ACTN2: variants seen among roughly 807,000 people sequenced by gnomAD.
The protein encoded by ACTN2 is actinin alpha 2, also known as alpha-actinin-2.
A neutral mutation model predicts 113.8 loss-of-function variants in ACTN2; 39 were observed. That is an observed-to-expected ratio of 0.34 (90% CI 0.27 to 0.45). The LOEUF (loss-of-function observed/expected upper bound fraction) is 0.45, where lower values mean the gene tolerates loss of function less well. Among genes scored for constraint, ACTN2 ranks in the 20% least tolerant of loss-of-function variants. ACTN2 has a pLI of 1.00. For missense variants in ACTN2, 992 were observed against 1,177.9 expected (o/e 0.84, Z 2.31); for synonymous variants, 429 against 444.1 (o/e 0.97, Z 0.43).
intron 1 of ACTN2, among the ~76,000 whole-genome samples, chr1:236,691,936 A>C (rs1382973308): frequency 3.3e-5 from 5 of 152,242 alleles, no homozygotes; most frequent in African/African-American, 9.6e-5. Flanking sequence ...TCCACGAAAA[A>C]GGGCCAGGTT....
chr1:236,717,983 T>C lies in ACTN2; in HGVS notation c.241+11T>C, dbSNP rs749065450. On this transcript the variant is annotated intron_variant, in intron 2 of 20. Transcript: ENST00000366578. ...TGGAAGTCATCTCAGGTTGGTGTTA[T>C]ATATCCCATCCTATGCTTTCATGTG... is the stretch of plus-strand genomic sequence containing the variant. 2 of 1,586,970 alleles carry C rather than the reference T, an allele frequency of 1.3e-6. No individual in the cohort carries two copies. Among genetic ancestry groups the C allele is most frequent in the East Asian group, 2.2e-5 (1 of 44,780 alleles).
At chr1:236,751,742 A>T in intron 15 of ACTN2, 90 bp downstream of exon 15, 2 of 1,479,990 alleles carry the variant, frequency 1.4e-6, no homozygotes, top group African/African-American at 1.4e-5. Context: ...ACTTAGGGTG[A>T]CGGCCTCATT....
chr1:236,758,289 C>CTTTTCTTTTT (rs1222042150), intron 18 of ACTN2, among the ~76,000 whole-genome samples: 4 of 136,084 alleles, frequency 2.9e-5, no homozygotes, highest in Non-Finnish European at 6.5e-5. Flanking sequence ...CAATTCTTTT[C>CTTTTCTTTTT]TTTTTTTTTT....
intron 1 of ACTN2, 47 bp from the exon 2 acceptor site, chr1:236,717,811 T>C: frequency 7.3e-7 from 1 of 1,360,572 alleles, no homozygotes; most frequent in Non-Finnish European, 1.1e-6. Context: ...GGAAGGGATC[T>C]GAAATCCGAT....
intron 1 of ACTN2, among the ~76,000 whole-genome samples, chr1:236,693,359 T>C (rs1446497491): frequency 6.6e-6 from 1 of 152,008 alleles, no homozygotes; most frequent in Non-Finnish European, 1.5e-5. Context: ...GCAGAGAGAG[T>C]TGATGACACC....
At chr1:236,742,285 T>TGGGAATG (rs148628512) in intron 10 of ACTN2, among the ~76,000 whole-genome samples, 2 of 151,452 alleles carry the variant, frequency 1.3e-5, no homozygotes, top group Non-Finnish European at 3.0e-5. Context: ...GGAAGCTGCA[T>TGGGAATG]GGGAACTTTA....
Position 236,763,850 on chromosome 1 carries a change from ATTCT to A in ACTN2, c.*1238_*1241del, listed in dbSNP as rs1659776632. On this transcript the variant is annotated 3_prime_UTR_variant, in exon 21 of 21. Transcript: ENST00000366578. ...GCACATCTTGATCTGTTGAATGTTCATTCTTTCTTTTTGCTCATACTGCTGTAGG... is the reference window on the plus strand; with the variant it reads ...GCACATCTTGATCTGTTGAATGTTCATTCTTTTTGCTCATACTGCTGTAGG... 3 of 152,168 alleles carry A rather than the reference ATTCT, an allele frequency of 2.0e-5. No homozygotes were observed. The highest frequency in any genetic ancestry group is 4.8e-5 in the African/African-American group (2 of 41,434). The allele number at this position is 152,168 out of a possible 1,614,324, so 9.4% of individuals were successfully genotyped here.
At chr1:236,737,317 A>ATATATATTTT (rs1260600266) in intron 9 of ACTN2, 103 bp downstream of exon 9, 5 of 288,928 alleles carry the variant, frequency 1.7e-5, no homozygotes, top group Non-Finnish European at 2.8e-5. Flanking sequence ...ATATATATAT[A>ATATATATTTT]TTTTGCATTT....
Position 236,737,318 on chromosome 1 carries a change from T to TATATATATATA in ACTN2, c.876+104_876+105insATATATATATA, listed in dbSNP as rs1465770912. Reference sequence around the variant, plus strand: ...GGGGGCATATATATATATATATATATTTTGCATTTTTCATCTCAGATAGGA... The same window carrying TATATATATATA: ...GGGGGCATATATATATATATATATATATATATATATATTTGCATTTTTCATCTCAGATAGGA... On this transcript the variant is annotated intron_variant, in intron 9 of 20. Transcript: ENST00000366578. 475 of 296,062 alleles carry TATATATATATA rather than the reference T, an allele frequency of 1.6e-3. 79 individuals are homozygous for TATATATATATA. The highest frequency in any genetic ancestry group is 2.3e-3 in the Non-Finnish European group (329 of 145,750). 18.3% of individuals were successfully genotyped at this position (296,062 alleles called of 1,614,324 possible).
intron 1 of ACTN2, among the ~76,000 whole-genome samples, chr1:236,707,823 T>C (rs1459825785): frequency 6.7e-6 from 1 of 149,890 alleles, no homozygotes; most frequent in African/African-American, 2.5e-5. Flanking sequence ...GCGATTCTTC[T>C]GCCTCAGCCT....
intron 1 of ACTN2, among the ~76,000 whole-genome samples, chr1:236,709,546 C>G (rs776162049): frequency 6.6e-6 from 1 of 151,532 alleles, no homozygotes; most frequent in African/African-American, 2.4e-5. Context: ...CTGGGGCTTG[C>G]TTGTCCCACC....
In ACTN2 at chr1:236,721,015, G is replaced by GGTTTTTTTTTTTTTTTTTTTT; in HGVS notation, c.448+824_448+825insGTTTTTTTTTTTTTTTTTTTT. On this transcript the variant is annotated intron_variant, in intron 4 of 20. Transcript: ENST00000366578. ...ACAGTAGCCTCTGACTCTGGTTTTT[G>GGTTTTTTTTTTTTTTTTTTTT]TTTTTTGTTTTTTTTTTTTTTTTTT... 7.7e-3 allele frequency among the ~76,000 whole-genome samples: 380 copies of GGTTTTTTTTTTTTTTTTTTTT among 49,176 alleles called. 172 individuals are homozygous for GGTTTTTTTTTTTTTTTTTTTT. The highest frequency in any genetic ancestry group is 8.5e-3 in the Admixed American group (25 of 2,926). The allele number at this position is 49,176 out of a possible 152,430, so 32.3% of individuals were successfully genotyped here.
chr1:236,706,001 G>C (rs1657813292), intron 1 of ACTN2, among the ~76,000 whole-genome samples: 1 of 152,176 alleles, frequency 6.6e-6, no homozygotes, highest in Non-Finnish European at 1.5e-5. Flanking sequence ...CTTTTCAAGT[G>C]CTGGGAGAAC....
intron 1 of ACTN2, among the ~76,000 whole-genome samples, chr1:236,716,646 G>T (rs1658223092): frequency 6.6e-6 from 1 of 151,804 alleles, no homozygotes; most frequent in East Asian, 1.9e-4. Context: ...CTTGTAGGAG[G>T]TTATTGTTAT....
At chr1:236,718,794 C>A in intron 2 of ACTN2, 100 bp from the exon 3 acceptor site, 1 of 1,546,598 alleles carries the variant, frequency 6.5e-7, no homozygotes, top group South Asian at 1.1e-5. Context: ...ATGTAACCTT[C>A]TCTTTTTAAG....
intron 7 of ACTN2, 53 bp downstream of exon 7, chr1:236,731,367 G>A (rs377331254): frequency 3.7e-4 from 536 of 1,438,492 alleles, no homozygotes; most frequent in Non-Finnish European, 5.0e-4. Flanking sequence ...GACTACAAAT[G>A]TTATGGCTAC....
chr1:236,721,015 G>GTTTTTTTTTTTTTTTTTTTT (rs869155855), intron 4 of ACTN2, among the ~76,000 whole-genome samples: 3 of 49,138 alleles, frequency 6.1e-5, no homozygotes. Flanking sequence ...TCTGGTTTTT[G>GTTTTTTTTTTTTTTTTTTTT]TTTTTTGTTT....
At chr1:236,741,865 G>T (rs12043510) in intron 10 of ACTN2, among the ~76,000 whole-genome samples, 1 of 152,096 alleles carries the variant, frequency 6.6e-6, no homozygotes, top group South Asian at 2.1e-4. Context: ...AAAGTATTGA[G>T]AGTAAAATCC....
At chr1:236,703,107 G>A (rs1407603933) in intron 1 of ACTN2, among the ~76,000 whole-genome samples, 1 of 152,140 alleles carries the variant, frequency 6.6e-6, no homozygotes, top group Non-Finnish European at 1.5e-5. Flanking sequence ...TGCTGCTGCT[G>A]CCTAAAACTG....
Sources: gnomAD v4.1 joint callset for allele counts (sites outside exome capture counted in the v4.1 genomes callset) on GRCh38, gnomAD v4.1.1 for gene constraint, MANE v1.5 for transcripts, NCBI Gene and HGNC (gene_info 2026-07-23, HGNC 2026-07-21) for gene names.